Variants in PAK2 observed in about 807,000 individuals in gnomAD.
PAK2 encodes the protein serine/threonine-protein kinase PAK 2.
Under a neutral mutation model 65.9 loss-of-function variants are expected in PAK2, and 21 were observed. That is an observed-to-expected ratio of 0.32 (90% CI 0.23 to 0.46). The LOEUF is 0.46. PAK2 is among the 20% of genes least tolerant of loss of function. The pLI is 1.00. For missense variants in PAK2, 324 were observed against 642.6 expected, an observed-to-expected ratio of 0.50 and a Z score of 5.36; for synonymous variants, 204 against 219.7, an observed-to-expected ratio of 0.93 and a Z score of 0.63.
intron 2 of PAK2, among the ~76,000 whole-genome samples, chr3:196,799,550 T>C (rs1377294223): frequency 6.6e-6 from 1 of 152,236 alleles, no homozygotes; most frequent in Non-Finnish European, 1.5e-5. Flanking sequence ...TGCAATGTGA[T>C]GCCTTCGGCT....
At chr3:196,749,884 C>T (rs1429202459) in intron 1 of PAK2, among the ~76,000 whole-genome samples, 2 of 151,754 alleles carry the variant, frequency 1.3e-5, no homozygotes, top group South Asian at 2.1e-4. Context: ...TGTAGTGGCA[C>T]GATGAGAACT....
intron 9 of PAK2, 146 bp downstream of exon 9, chr3:196,812,413 C>A (rs1715859008): frequency 4.7e-6 from 3 of 644,898 alleles, no homozygotes; most frequent in Admixed American, 2.6e-5. Flanking sequence ...GCACTTCTGT[C>A]AGTAAGGCGG....
intron 10 of PAK2, 62 bp downstream of exon 10, chr3:196,812,913 C>CG: frequency 2.7e-6 from 2 of 744,864 alleles, no homozygotes; most frequent in Non-Finnish European, 2.3e-6. Flanking sequence ...CTCATGGTTT[C>CG]GGGGGTGGGG....
At chr3:196,751,689 AT>A (rs1713599327) in intron 1 of PAK2, among the ~76,000 whole-genome samples, 3 of 72,314 alleles carry the variant, frequency 4.1e-5, no homozygotes, top group African/African-American at 2.5e-4. Context: ...ATATATATAT[AT>A]ATATAATTCA....
intron 8 of PAK2, among the ~76,000 whole-genome samples, chr3:196,811,238 C>T: frequency 2.6e-5 from 1 of 38,662 alleles, no homozygotes; most frequent in Non-Finnish European, 5.9e-5. Context: ...CCCTTCCCTT[C>T]CTTCCCTCCC....
intron 12 of PAK2, among the ~76,000 whole-genome samples, chr3:196,819,196 C>G (rs1711577433): frequency 1.3e-5 from 2 of 152,266 alleles, no homozygotes; most frequent in South Asian, 4.1e-4. Context: ...AATCCCAGCA[C>G]TTTGGGAGGT....
chr3:196,825,237 TC>T (rs1270449910), intron 13 of PAK2, among the ~76,000 whole-genome samples: 9 of 125,422 alleles, frequency 7.2e-5, no homozygotes, highest in Non-Finnish European at 1.3e-4. Context: ...TCCCAGCTAC[TC>T]GGGAGGCTGA....
At chr3:196,781,266 A>G (rs536686377) in intron 1 of PAK2, among the ~76,000 whole-genome samples, 2 of 152,350 alleles carry the variant, frequency 1.3e-5, no homozygotes, top group Non-Finnish European at 2.9e-5. Flanking sequence ...AATGAAAACC[A>G]TGTTTAGTGG....
Position 196,806,891 on chromosome 3 carries a change from A to G in PAK2, c.576+205A>G, listed in dbSNP as rs570950496. Among the ~76,000 whole-genome samples, 4 of 152,286 alleles carry G rather than the reference A, an allele frequency of 2.6e-5. No homozygotes were observed. In the South Asian group the frequency reaches 8.3e-4, roughly 32 times the overall value. ...TGAAGATTAAAATGTGATGTCTTTA[A>G]AAGTTAACGCACTCACCTCACTGGG... On this transcript the variant is annotated intron_variant, in intron 6 of 14. Transcript: ENST00000327134.
At chr3:196,782,261 A>G (rs1714737320) in intron 1 of PAK2, among the ~76,000 whole-genome samples, 2 of 151,776 alleles carry the variant, frequency 1.3e-5, no homozygotes, top group South Asian at 4.2e-4. Context: ...GATATCCTAT[A>G]ATTTGCTGGT....
intron 13 of PAK2, among the ~76,000 whole-genome samples, chr3:196,821,551 TG>T (rs1560118651): frequency 6.6e-6 from 1 of 151,104 alleles, no homozygotes; most frequent in Admixed American, 6.6e-5. Flanking sequence ...AGCATGGTGG[TG>T]GGTGCCTGTA....
At chr3:196,759,488 G>GGTTTTTTTT (rs1560092722) in intron 1 of PAK2, among the ~76,000 whole-genome samples, 112 of 111,128 alleles carry the variant, frequency 1.0e-3, no homozygotes, top group Non-Finnish European at 1.6e-3. Flanking sequence ...ACAGTTAAGT[G>GGTTTTTTTT]GTTTTTTTTG....
chr3:196,793,378 G>A (rs1436221610), intron 2 of PAK2, among the ~76,000 whole-genome samples: 1 of 152,084 alleles, frequency 6.6e-6, no homozygotes, highest in Non-Finnish European at 1.5e-5. Flanking sequence ...GCCTCAGACA[G>A]GAGATTGGAA....
At chr3:196,816,515 T>C in intron 11 of PAK2, among the ~76,000 whole-genome samples, 1 of 152,300 alleles carries the variant, frequency 6.6e-6, no homozygotes, top group Non-Finnish European at 1.5e-5. Context: ...TTCCTCTAAT[T>C]TGGGTTTTCT....
intron 1 of PAK2, among the ~76,000 whole-genome samples, chr3:196,750,005 A>G (rs111602457): frequency 2.6e-5 from 2 of 75,790 alleles, no homozygotes; most frequent in Non-Finnish European, 6.5e-5. Context: ...TTTTTTTTTG[A>G]AACAGAGTTT....
intron 2 of PAK2, among the ~76,000 whole-genome samples, chr3:196,801,203 T>C (rs1715413328): frequency 6.6e-6 from 1 of 152,218 alleles, no homozygotes; most frequent in Admixed American, 6.5e-5. Flanking sequence ...GTCACAGTAA[T>C]GCAAATCTGA....
intron 13 of PAK2, among the ~76,000 whole-genome samples, chr3:196,821,738 A>G (rs757338570): frequency 1.3e-5 from 2 of 152,174 alleles, no homozygotes; most frequent in Non-Finnish European, 2.9e-5. Flanking sequence ...AATCTCGTTC[A>G]TTGCAAAATA....
chr3:196,810,716 T>C, intron 8 of PAK2, 63 bp downstream of exon 8: 1 of 870,204 alleles, frequency 1.1e-6, no homozygotes, highest in Non-Finnish European at 2.0e-6. Flanking sequence ...CTTTATAGCA[T>C]GATGTTTATT....
At chr3:196,808,497 G>T (rs1182924589) in intron 7 of PAK2, among the ~76,000 whole-genome samples, 1 of 144,590 alleles carries the variant, frequency 6.9e-6, no homozygotes, top group Non-Finnish European at 1.5e-5. Context: ...GGAGGCGGAG[G>T]TTATAGTGAG....
Sources: allele counts gnomAD v4.1 joint callset (sites outside exome capture counted in the v4.1 genomes callset), GRCh38; gene constraint gnomAD v4.1.1; transcripts MANE v1.5; gene names NCBI Gene and HGNC (gene_info 2026-07-23, HGNC 2026-07-21).